The following NBAS variants were observed in gnomAD, a reference collection of about 807,000 sequenced individuals.
The protein encoded by NBAS is NAG/BC035112 fusion.
Under a neutral mutation model 302.5 loss-of-function variants are expected in NBAS, and 219 were observed. The ratio of observed to expected loss-of-function variants is 0.72; its 90% CI spans 0.65 to 0.81. The LOEUF (loss-of-function observed/expected upper bound fraction) is 0.81, where lower values mean the gene tolerates loss of function less well. NBAS is among the 30% of genes least tolerant of loss of function. The pLI is 0.00. For synonymous variants in NBAS, 1,118 were observed against 1,021.6 expected (o/e 1.09, Z -1.80); for missense variants, 2,932 against 2,841.6 (o/e 1.03, Z -0.72).
At chr2:15,448,634 T>A (rs551265355) in intron 21 of NBAS, among the ~76,000 whole-genome samples, 1 of 152,316 alleles carries the variant, frequency 6.6e-6, no homozygotes, top group East Asian at 1.9e-4. Flanking sequence ...TTTTTCACAG[T>A]TCCTATTACA....
In NBAS at chr2:15,517,572, A is replaced by G. The variant is rs531886886; in HGVS notation, c.747-6222T>C. 1.8e-4 allele frequency among the ~76,000 whole-genome samples: 28 copies of G among 152,288 alleles called. No homozygotes were observed. The South Asian group carries it at 5.6e-3, about 30-fold the overall frequency. On this transcript the variant is annotated intron_variant, in intron 9 of 51. Transcript: ENST00000281513. ...ACACATAAACATACATCTTAGGTCAAAGAAAGACACATTTAATATTTGTTA... is the reference window on the plus strand; with the variant it reads ...ACACATAAACATACATCTTAGGTCAGAGAAAGACACATTTAATATTTGTTA...
chr2:15,323,060 T>A (rs1448003341), intron 38 of NBAS, among the ~76,000 whole-genome samples: 1 of 152,252 alleles, frequency 6.6e-6, no homozygotes, highest in Non-Finnish European at 1.5e-5. Flanking sequence ...AGACTCAGAT[T>A]CTTTCTGTGG....
the NBAS span, among the ~76,000 whole-genome samples, chr2:14,997,732 A>G: frequency 6.6e-6 from 1 of 152,176 alleles, no homozygotes; most frequent in South Asian, 2.1e-4. Flanking sequence ...CATTCATCTT[A>G]TAACTGGAGT....
the NBAS span, among the ~76,000 whole-genome samples, chr2:14,912,308 A>C: frequency 6.6e-6 from 1 of 152,180 alleles, no homozygotes; most frequent in Non-Finnish European, 1.5e-5. Flanking sequence ...CTATTTATCA[A>C]ACTATTTTAA....
intron 35 of NBAS, among the ~76,000 whole-genome samples, chr2:15,339,112 T>G (rs899651372): frequency 1.3e-5 from 2 of 152,176 alleles, no homozygotes; most frequent in Non-Finnish European, 1.5e-5. Context: ...ATCCAGATTA[T>G]GAAACCTACA....
At chr2:15,526,122 G>T (rs918487454) in intron 9 of NBAS, among the ~76,000 whole-genome samples, 15 of 152,192 alleles carry the variant, frequency 9.9e-5, no homozygotes, top group African/African-American at 2.9e-4. Context: ...AGAGCAAAGA[G>T]AACAATAAGA....
intron 11 of NBAS, among the ~76,000 whole-genome samples, chr2:15,498,247 T>G (rs866157687): frequency 3.9e-5 from 6 of 152,226 alleles, no homozygotes; most frequent in South Asian, 2.1e-4. Flanking sequence ...AGAGTTCCAC[T>G]TGCTATAAAA....
At chr2:15,017,377 ATC>A in the NBAS span, among the ~76,000 whole-genome samples, 2 of 152,098 alleles carry the variant, frequency 1.3e-5, no homozygotes, top group Non-Finnish European at 2.9e-5. Flanking sequence ...TGAAAAGACA[ATC>A]TACAGAATGG....
chr2:14,900,235 T>C, the NBAS span, among the ~76,000 whole-genome samples: 1 of 152,042 alleles, frequency 6.6e-6, no homozygotes, highest in Non-Finnish European at 1.5e-5. Flanking sequence ...ACGCCTTCCA[T>C]GATCCATTCC....
At chr2:15,203,874 G>GTGTGTGTGTGTGCT (rs1666002716) in intron 48 of NBAS, among the ~76,000 whole-genome samples, 1 of 138,020 alleles carries the variant, frequency 7.2e-6, no homozygotes, top group Non-Finnish European at 1.5e-5. Flanking sequence ...CTGTGTCTGT[G>GTGTGTGTGTGTGCT]TGTGTGTGTG....
At chr2:15,508,015 T>C (rs1301909375) in intron 10 of NBAS, among the ~76,000 whole-genome samples, 1 of 152,066 alleles carries the variant, frequency 6.6e-6, no homozygotes, top group East Asian at 1.9e-4. Context: ...GGAGGTTCGA[T>C]GAGAACAATA....
At chr2:14,888,861 T>C in the NBAS span, among the ~76,000 whole-genome samples, 1 of 152,106 alleles carries the variant, frequency 6.6e-6, no homozygotes, top group Non-Finnish European at 1.5e-5. Flanking sequence ...TGAGAAAGAT[T>C]TGGAAGCAGA....
chr2:14,850,419 AT>A, the NBAS span, among the ~76,000 whole-genome samples: 2 of 97,546 alleles, frequency 2.1e-5, no homozygotes, highest in African/African-American at 1.9e-4. Context: ...GAGCACCCAG[AT>A]TCATAAAGCA....
intron 32 of NBAS, among the ~76,000 whole-genome samples, chr2:15,364,339 C>A (rs190875929): frequency 3.5e-4 from 53 of 152,244 alleles, no homozygotes; most frequent in African/African-American, 1.2e-3. Context: ...CCAGACCAGC[C>A]TGACCAGCAT....
chr2:14,972,631 T>C, the NBAS span, among the ~76,000 whole-genome samples: 1 of 152,320 alleles, frequency 6.6e-6, no homozygotes, highest in Non-Finnish European at 1.5e-5. Context: ...TTAGACGACT[T>C]TCTAAGGTCA....
At chr2:15,316,889 C>G (rs773362965) in intron 38 of NBAS, among the ~76,000 whole-genome samples, 12 of 152,162 alleles carry the variant, frequency 7.9e-5, no homozygotes, top group Non-Finnish European at 1.6e-4. Flanking sequence ...CCCAGCATAG[C>G]GTTTGAGCTC....
intron 7 of NBAS, 81 bp from the exon 8 acceptor site, chr2:15,536,632 G>T: frequency 8.3e-7 from 1 of 1,198,672 alleles, no homozygotes; most frequent in Non-Finnish European, 1.2e-6. Flanking sequence ...GAGAATATCT[G>T]ATACACTGGC....
the NBAS span, among the ~76,000 whole-genome samples, chr2:14,829,352 C>T: frequency 2.0e-5 from 3 of 152,074 alleles, no homozygotes; most frequent in African/African-American, 7.2e-5. Context: ...GGGTGTTTCT[C>T]TACTGAAATG....
chr2:15,062,353 C>T, the NBAS span, among the ~76,000 whole-genome samples: 1 of 152,110 alleles, frequency 6.6e-6, no homozygotes, highest in Non-Finnish European at 1.5e-5. Context: ...CTGCACAGAG[C>T]GATGAGATGC....
Sources: gnomAD v4.1 joint callset for allele counts (sites outside exome capture counted in the v4.1 genomes callset) on GRCh38, gnomAD v4.1.1 for gene constraint, MANE v1.5 for transcripts, NCBI Gene and HGNC (gene_info 2026-07-23, HGNC 2026-07-21) for gene names.